MEIKIN: variants seen among roughly 807,000 people sequenced by gnomAD.
MEIKIN encodes the protein meiotic kinetochore factor, also known as meiosis-specific kinetochore protein.
intron 5 of MEIKIN, among the ~76,000 whole-genome samples, chr5:131,932,655 C>G (rs972539339): frequency 3.9e-5 from 6 of 152,186 alleles, no homozygotes; most frequent in Non-Finnish European, 5.9e-5. Context: ...ATAATTGGGA[C>G]TGACATTTCA....
At chr5:131,894,381 G>A (rs1431697669) in intron 8 of MEIKIN, among the ~76,000 whole-genome samples, 2 of 152,176 alleles carry the variant, frequency 1.3e-5, no homozygotes, top group African/African-American at 4.8e-5. Context: ...TGGCAATGCA[G>A]GCTCTTTTTT....
intron 4 of MEIKIN, among the ~76,000 whole-genome samples, chr5:131,937,775 G>C (rs1751804858): frequency 6.6e-6 from 1 of 151,948 alleles, no homozygotes; most frequent in Non-Finnish European, 1.5e-5. Flanking sequence ...ATCGCTTATT[G>C]CAACTGATTA....
rs565275522 is a variant in MEIKIN, at chr5:131,895,653, T to C, written c.703+16162A>G. On this transcript the variant is annotated intron_variant, in intron 8 of 12. Transcript: ENST00000442687. ...TGTCCAGGAATTTATCCATTTCTTA[T>C]AGATTTTCTAGTTTATTTGCATAGA... Among the ~76,000 whole-genome samples, 250 of 152,350 alleles carry C rather than the reference T, an allele frequency of 1.6e-3. 1 individual carries two copies. The highest frequency in any genetic ancestry group is 5.9e-3 in the African/African-American group (244 of 41,586).
intron 8 of MEIKIN, among the ~76,000 whole-genome samples, chr5:131,885,173 C>G (rs1416579390): frequency 6.6e-6 from 1 of 152,072 alleles, no homozygotes; most frequent in Non-Finnish European, 1.5e-5. Context: ...GCCTTAGGGC[C>G]TTGAGAAAAC....
chr5:131,852,998 A>G (rs1750140091), intron 10 of MEIKIN, among the ~76,000 whole-genome samples: 1 of 152,164 alleles, frequency 6.6e-6, no homozygotes. Context: ...GGCCACTGGA[A>G]AGACTGTGAG....
chr5:131,858,610 G>A (rs1476035988), intron 9 of MEIKIN, among the ~76,000 whole-genome samples: 3 of 152,210 alleles, frequency 2.0e-5, no homozygotes, highest in East Asian at 1.9e-4. Context: ...AAGAGCTTCC[G>A]CACAGCAAAT....
At position 131,830,497 on chromosome 5, in the gene MEIKIN, G is replaced by A. The variant is rs149064286; in HGVS notation, c.976-11634C>T. ...TAAATGAAACTAGGCAATGATTGGAGATATAACAGAAAATGAGTTTAACAC... is the reference window on the plus strand; with the variant it reads ...TAAATGAAACTAGGCAATGATTGGAAATATAACAGAAAATGAGTTTAACAC... On this transcript the variant is annotated intron_variant, in intron 11 of 12. Transcript: ENST00000442687. 4.8e-3 allele frequency among the ~76,000 whole-genome samples: 728 copies of A among 152,322 alleles called. 5 individuals are homozygous for A. Among genetic ancestry groups the A allele is most frequent in the African/African-American group, 0.017 (691 of 41,584 alleles).
At chr5:131,844,555 A>G (rs1749976433) in intron 11 of MEIKIN, among the ~76,000 whole-genome samples, 1 of 152,158 alleles carries the variant, frequency 6.6e-6, no homozygotes, top group Non-Finnish European at 1.5e-5. Flanking sequence ...GCGGAATACC[A>G]GAGAGGAGAG....
At chr5:131,872,697 C>T (rs560200587) in intron 9 of MEIKIN, among the ~76,000 whole-genome samples, 3 of 152,092 alleles carry the variant, frequency 2.0e-5, no homozygotes, top group Non-Finnish European at 4.4e-5. Flanking sequence ...ACATAATTGT[C>T]AGATTCACCA....
intron 12 of MEIKIN, 65 bp downstream of exon 12, chr5:131,818,675 C>T: frequency 2.6e-6 from 1 of 389,922 alleles, no homozygotes; most frequent in Non-Finnish European, 4.5e-6. Flanking sequence ...GTACATAAGG[C>T]ATTTTTAATG....
chr5:131,922,382 T>A (rs1580908506), intron 5 of MEIKIN, among the ~76,000 whole-genome samples: 2 of 152,336 alleles, frequency 1.3e-5, no homozygotes, highest in South Asian at 4.1e-4. Context: ...TACAGCCTTT[T>A]TTTTTTCTTG....
Position 131,885,368 on chromosome 5 carries a change from AGAGAGAGAGAGAGAGAGAGAG to A in MEIKIN, c.704-6341_704-6321del, listed in dbSNP as rs1561744000. ...GAGAGAGAGAGAGAGAGAGAGAGAG[AGAGAGAGAGAGAGAGAGAGAG>A]AGAGAGAGAGAGAGAGAGAGAGAGA... On this transcript the variant is annotated intron_variant, in intron 8 of 12. Coordinates refer to ENST00000442687, the MANE Select transcript of MEIKIN (RefSeq NM_001303622.2). Among the ~76,000 whole-genome samples the A allele has an allele frequency of 1.4e-3, 54 of 39,454 alleles. 1 individual carries two copies. Among genetic ancestry groups the A allele is most frequent in the African/African-American group, 3.5e-3 (48 of 13,820 alleles). 25.9% of individuals were successfully genotyped at this position (39,454 alleles called of 152,430 possible). A position where few individuals can be genotyped will look rare whatever the true frequency, so the allele number is the denominator to read the frequency against.
intron 7 of MEIKIN, among the ~76,000 whole-genome samples, chr5:131,914,982 T>C (rs1580905069): frequency 6.6e-6 from 1 of 152,194 alleles, no homozygotes; most frequent in Non-Finnish European, 1.5e-5. Flanking sequence ...GGAAACAACA[T>C]AACAAGAAGA....
intron 11 of MEIKIN, among the ~76,000 whole-genome samples, chr5:131,821,540 T>G (rs1029398230): frequency 1.3e-5 from 2 of 152,020 alleles, no homozygotes; most frequent in Non-Finnish European, 2.9e-5. Flanking sequence ...TTAAGTCTGA[T>G]GTTTCTTTGT....
At chr5:131,934,310 C>T (rs1041519695) in intron 4 of MEIKIN, among the ~76,000 whole-genome samples, 2 of 151,962 alleles carry the variant, frequency 1.3e-5, no homozygotes, top group African/African-American at 4.8e-5. Context: ...AGCTAACTAG[C>T]TGAGGAAAGG....
At chr5:131,875,682 G>A (rs1003111969) in intron 9 of MEIKIN, among the ~76,000 whole-genome samples, 1 of 152,082 alleles carries the variant, frequency 6.6e-6, no homozygotes, top group Admixed American at 6.6e-5. Context: ...AGCCCGCATC[G>A]CCAAGTCAAT....
At chr5:131,880,672 T>C (rs1750690079) in intron 8 of MEIKIN, among the ~76,000 whole-genome samples, 1 of 152,228 alleles carries the variant, frequency 6.6e-6, no homozygotes, top group Non-Finnish European at 1.5e-5. Context: ...ATGCAAATAG[T>C]GTTTGCTTAA....
chr5:131,833,216 T>C (rs1037057433), intron 11 of MEIKIN, among the ~76,000 whole-genome samples: 103 of 152,286 alleles, frequency 6.8e-4, no homozygotes, highest in African/African-American at 2.3e-3. Context: ...CCCTAAATCA[T>C]CTCTCTCAAG....
chr5:131,871,357 G>C (rs956821428), intron 9 of MEIKIN, among the ~76,000 whole-genome samples: 19 of 152,222 alleles, frequency 1.2e-4, no homozygotes, highest in Admixed American at 3.9e-4. Context: ...ATTATATCCC[G>C]CACATGGCTC....
Sources: gnomAD v4.1 joint callset for allele counts (sites outside exome capture counted in the v4.1 genomes callset) on GRCh38, gnomAD v4.1.1 for gene constraint, MANE v1.5 for transcripts, NCBI Gene and HGNC (gene_info 2026-07-23, HGNC 2026-07-21) for gene names.